The following MORC2 variants were observed in gnomAD, a reference collection of about 807,000 sequenced individuals.
MORC2 encodes the protein ATPase MORC2.
A neutral mutation model predicts 136.0 loss-of-function variants in MORC2; 30 were observed. The observed-to-expected ratio is 0.22, with a 90% CI of 0.17 to 0.30. The LOEUF is 0.30. Ranked by LOEUF, MORC2 falls within the 10% of genes least tolerant of loss-of-function variation. MORC2 has a pLI of 1.00. For synonymous variants in MORC2, 439 were observed against 487.0 expected, an observed-to-expected ratio of 0.90 and a Z score of 1.30; for missense variants, 922 against 1,333.1, an observed-to-expected ratio of 0.69 and a Z score of 4.80.
intron 3 of MORC2, among the ~76,000 whole-genome samples, chr22:30,952,946 C>A (rs2147293012): frequency 6.6e-6 from 1 of 152,138 alleles, no homozygotes; most frequent in East Asian, 1.9e-4. Context: ...TAAGAATTAT[C>A]CAAAGAGCTT....
intron 11 of MORC2, 49 bp from the exon 12 acceptor site, chr22:30,939,755 C>G (rs1272414986): frequency 7.1e-6 from 11 of 1,559,308 alleles, no homozygotes; most frequent in African/African-American, 1.4e-5. Context: ...TAGGCCACAG[C>G]AGGGAATATT....
chr22:30,951,757 G>A (rs895797352), intron 3 of MORC2, among the ~76,000 whole-genome samples: 1 of 152,004 alleles, frequency 6.6e-6, no homozygotes, highest in Admixed American at 6.5e-5. Flanking sequence ...AAATTCAAGT[G>A]AGTAGGGACT....
At chr22:30,947,382 C>G (rs757001938) in intron 5 of MORC2, among the ~76,000 whole-genome samples, 1 of 152,214 alleles carries the variant, frequency 6.6e-6, no homozygotes, top group African/African-American at 2.4e-5. Context: ...GCAGGGGGAC[C>G]GCCCTCTGAA....
At chr22:30,953,561 A>G (rs546516041) in intron 3 of MORC2, among the ~76,000 whole-genome samples, 1 of 152,362 alleles carries the variant, frequency 6.6e-6, no homozygotes, top group South Asian at 2.1e-4. Context: ...GAGAGGCTGC[A>G]ATAAAATGAC....
Position 30,937,996 on chromosome 22 carries a change from G to A in MORC2, c.1215-27C>T. 6.2e-7 allele frequency: 1 copy of A among 1,613,892 alleles called. No homozygotes were observed. The highest frequency in any genetic ancestry group is 8.5e-7 in the Non-Finnish European group (1 of 1,179,888). Reference sequence around the variant, plus strand: ...TACAGGGAGAAAGAGAACAAGCTCTGTCACCCCACTGGCAACGCCCTCCTG... The same window carrying A: ...TACAGGGAGAAAGAGAACAAGCTCTATCACCCCACTGGCAACGCCCTCCTG... On this transcript the variant is annotated intron_variant, in intron 13 of 25. Coordinates refer to ENST00000397641, the MANE Select transcript of MORC2 (RefSeq NM_001303256.3). The surrounding 1 kb of genome is among the most constrained non-coding windows in gnomAD (Gnocchi z 4.7).
At chr22:30,936,826 G>A in intron 16 of MORC2, 106 bp downstream of exon 16, 1 of 1,311,542 alleles carries the variant, frequency 7.6e-7, no homozygotes, top group Non-Finnish European at 1.1e-6. Flanking sequence ...GCAGTTATTA[G>A]GTGTGGCAAG....
chr22:30,939,569 AGTCCAAAAGCTAC>A, intron 12 of MORC2, 39 bp downstream of exon 12: 1 of 1,564,780 alleles, frequency 6.4e-7, no homozygotes, highest in Non-Finnish European at 8.8e-7. Context: ...GTCAATAATC[AGTCCAAAAGCTAC>A]GTCAGTTTAA....
At chr22:30,950,338 C>CGGGGGGGGCG in intron 4 of MORC2, 39 bp downstream of exon 4, 1 of 695,194 alleles carries the variant, frequency 1.4e-6, no homozygotes, top group Non-Finnish European at 2.6e-6. Context: ...GGTTACATCG[C>CGGGGGGGGCG]ACCCCCCCAC....
intron 5 of MORC2, among the ~76,000 whole-genome samples, chr22:30,949,083 TA>T (rs2061633625): frequency 6.6e-6 from 1 of 152,176 alleles, no homozygotes. Flanking sequence ...CCAATTCCAC[TA>T]AATCTTATTC....
chr22:30,953,623 G>A (rs2040923983), intron 3 of MORC2, among the ~76,000 whole-genome samples: 1 of 152,186 alleles, frequency 6.6e-6, no homozygotes, highest in African/African-American at 2.4e-5. Context: ...ATTAATTGCA[G>A]TTTCATTTGC....
intron 2 of MORC2, among the ~76,000 whole-genome samples, chr22:30,958,378 A>G (rs2040996194): frequency 6.6e-6 from 1 of 152,236 alleles, no homozygotes; most frequent in African/African-American, 2.4e-5. Context: ...GCTCTAATAC[A>G]CAAGGGAAGT....
intron 24 of MORC2, among the ~76,000 whole-genome samples, chr22:30,930,491 G>GC (rs1343894509): frequency 6.6e-6 from 1 of 152,210 alleles, no homozygotes; most frequent in Non-Finnish European, 1.5e-5. Context: ...CGTGAGCAGA[G>GC]CAAGTCCTAA....
chr22:30,961,157 A>C (rs899413117), intron 1 of MORC2, among the ~76,000 whole-genome samples: 2 of 152,232 alleles, frequency 1.3e-5, no homozygotes, highest in African/African-American at 2.4e-5. Context: ...GGCGTGAGCC[A>C]CCATGCCCGG....
At chr22:30,956,302 A>G (rs941303721) in intron 3 of MORC2, among the ~76,000 whole-genome samples, 2 of 152,296 alleles carry the variant, frequency 1.3e-5, no homozygotes, top group Middle Eastern at 3.4e-3. Flanking sequence ...CAAACCTCAG[A>G]GCCAATCCAG....
chr22:30,947,384 C>A (rs562707930), intron 5 of MORC2, among the ~76,000 whole-genome samples: 1 of 152,364 alleles, frequency 6.6e-6, no homozygotes, highest in African/African-American at 2.4e-5. Context: ...AGGGGGACCG[C>A]CCTCTGAACA....
intron 1 of MORC2, chr22:30,967,011 C>G: frequency 1.2e-6 from 1 of 829,708 alleles, no homozygotes; most frequent in Non-Finnish European, 1.5e-6. Flanking sequence ...AGAGACTGGA[C>G]CATTCATGTA....
At chr22:30,942,051 A>G in intron 7 of MORC2, 49 bp from the exon 8 acceptor site, 1 of 1,609,854 alleles carries the variant, frequency 6.2e-7, no homozygotes, top group Non-Finnish European at 8.5e-7. Context: ...GCCCACCCCC[A>G]CACTACTTGT....
chr22:30,937,933 G>C lies in MORC2; in HGVS notation c.1251C>G (p.Pro417=). The C allele has an allele frequency of 1.2e-6, 2 of 1,614,014 alleles. No individual in the cohort carries two copies. Among genetic ancestry groups the C allele is most frequent in the Non-Finnish European group, 1.7e-6 (2 of 1,180,000 alleles). ...TGTGTGTAGGCTCCAGGACCAGGTA[G>C]GGCACATCAACAACCCCAACAACCC... The part of the protein sequence containing the change: ...CGGVVGVVDV[P]YLVLEPTHNK... The change falls in exon 14 of 26, where the codon CCC becomes CCG. Residue 417 remains proline (P), a synonymous_variant. Transcript: ENST00000397641. The surrounding 1 kb of genome is among the most constrained non-coding windows in gnomAD (Gnocchi z 4.7).
chr22:30,945,141 C>T (rs192834486), intron 6 of MORC2, among the ~76,000 whole-genome samples: 1 of 152,312 alleles, frequency 6.6e-6, no homozygotes, highest in Non-Finnish European at 1.5e-5. Flanking sequence ...CTCCTGTCAC[C>T]ATCCTCAGTC....
Sources: allele counts gnomAD v4.1 joint callset (sites outside exome capture counted in the v4.1 genomes callset), GRCh38; gene constraint gnomAD v4.1.1; non-coding constraint Gnocchi (gnomAD v3.1); transcripts MANE v1.5; gene names NCBI Gene and HGNC (gene_info 2026-07-23, HGNC 2026-07-21).